ARMC8: variants seen among roughly 807,000 people sequenced by gnomAD.
ARMC8 encodes the protein armadillo repeat containing 8, also known as armadillo repeat-containing protein 8.
ARMC8 carries 20 observed loss-of-function variants against 99.3 expected under a neutral mutation model. The observed-to-expected ratio is 0.20, with a 90% CI of 0.14 to 0.29. ARMC8 has a LOEUF of 0.29. Ranked by LOEUF, ARMC8 falls within the 10% of genes least tolerant of loss-of-function variation. ARMC8 has a pLI of 1.00. For missense variants in ARMC8, 569 were observed against 809.5 expected (o/e 0.70, Z 3.60); for synonymous variants, 263 against 278.3 (o/e 0.95, Z 0.55).
In ARMC8 at chr3:138,263,510, C is replaced by T. The variant is rs1576835202; in HGVS notation, c.1135-229C>T. The T allele has an allele frequency of 7.2e-6, 4 of 555,158 alleles. No individual in the cohort carries two copies. In the East Asian group the frequency reaches 1.2e-4, roughly 17 times the overall value. The allele number at this position is 555,158 out of a possible 1,614,324, so 34.4% of individuals were successfully genotyped here. On this transcript the variant is annotated intron_variant, in intron 12 of 21. Coordinates refer to ENST00000469044, the MANE Select transcript of ARMC8 (RefSeq NM_001363941.2). ...GTTAAATGTCTTTAAAAATAAACAA[C>T]ATAACCTGCCCCTTACGCCTGTCAT... is the stretch of plus-strand genomic sequence containing the variant.
intron 19 of ARMC8, among the ~76,000 whole-genome samples, chr3:138,285,025 A>G (rs934918961): frequency 6.6e-6 from 1 of 152,176 alleles, no homozygotes; most frequent in African/African-American, 2.4e-5. Flanking sequence ...CATTCTGTCA[A>G]CATCTCCTGA....
At chr3:138,249,311 T>C (rs1408481710) in intron 12 of ARMC8, among the ~76,000 whole-genome samples, 12 of 151,940 alleles carry the variant, frequency 7.9e-5, no homozygotes, top group African/African-American at 2.4e-5. Flanking sequence ...TTCACTGTTA[T>C]ACTTAGCATA....
At chr3:138,193,014 G>T (rs1440287203) in intron 1 of ARMC8, among the ~76,000 whole-genome samples, 1 of 152,080 alleles carries the variant, frequency 6.6e-6, no homozygotes, top group Non-Finnish European at 1.5e-5. Context: ...TGTTGGCAAG[G>T]CTGGAGTGCA....
chr3:138,262,423 A>T, intron 12 of ARMC8: 1 of 1,203,738 alleles, frequency 8.3e-7, no homozygotes, highest in Non-Finnish European at 1.2e-6. Flanking sequence ...AATAGATGAT[A>T]TTTTCCCTGA....
At chr3:138,245,804 T>C (rs1411995226) in intron 12 of ARMC8, 1 of 985,990 alleles carries the variant, frequency 1.0e-6, no homozygotes, top group Non-Finnish European at 1.2e-6. Flanking sequence ...TTGATGAGAA[T>C]ACTTCTAGAT....
Position 138,271,798 on chromosome 3 carries a change from C to CTTTCTTTTTTTTTTTTTTTTTTTTT in ARMC8, c.1480-1166_1480-1165insCTTTTTTTTTTTTTTTTTTTTTTTT, listed in dbSNP as rs1018824241. Among the ~76,000 whole-genome samples the CTTTCTTTTTTTTTTTTTTTTTTTTT allele has an allele frequency of 1.5e-4, 20 of 136,126 alleles. 1 individual carries two copies. Among genetic ancestry groups the CTTTCTTTTTTTTTTTTTTTTTTTTT allele is most frequent in the African/African-American group, 5.4e-4 (19 of 35,234 alleles). The allele number at this position is 136,126 out of a possible 152,430, so 89.3% of individuals were successfully genotyped here. ...AGTTCACAAGATTTTTTTTTTCTTT[C>CTTTCTTTTTTTTTTTTTTTTTTTTT]TTTTTTTTTTTTTTTGATACAGAGT... On this transcript the variant is annotated intron_variant, in intron 16 of 21. Transcript: ENST00000469044.
chr3:138,295,745 T>C, intron 21 of ARMC8, 114 bp from the exon 22 acceptor site: 1 of 1,213,412 alleles, frequency 8.2e-7, no homozygotes, highest in Non-Finnish European at 1.2e-6. Flanking sequence ...TCACCCCAAT[T>C]CCCTCTGGAG....
intron 13 of ARMC8, 38 bp from the exon 14 acceptor site, chr3:138,264,093 T>C (rs2048019504): frequency 3.2e-6 from 5 of 1,575,518 alleles, no homozygotes; most frequent in Non-Finnish European, 4.4e-6. Context: ...GTAAAAGTTT[T>C]GATTTCTTGT....
rs1464106879 is a variant in ARMC8, at chr3:138,220,753, G to A, written c.123-1173G>A. 4.0e-5 allele frequency among the ~76,000 whole-genome samples: 6 copies of A among 149,686 alleles called. No individual in the cohort carries two copies. The South Asian group carries it at 6.3e-4, about 16-fold the overall frequency. ...CACCCTGACTGGGGTGCAGTGGCGC[G>A]ATCTCTGCTCACTGCAACCTCCACC... On this transcript the variant is annotated intron_variant, in intron 2 of 21. Coordinates refer to ENST00000469044, the MANE Select transcript of ARMC8 (RefSeq NM_001363941.2).
At chr3:138,187,651 G>A in intron 1 of ARMC8, 52 bp downstream of exon 1, 1 of 1,525,706 alleles carries the variant, frequency 6.6e-7, no homozygotes, top group Admixed American at 2.0e-5. Flanking sequence ...CCTCATCCCG[G>A]TCTCCACCAT....
intron 1 of ARMC8, among the ~76,000 whole-genome samples, chr3:138,200,281 G>A (rs921040950): frequency 2.0e-5 from 3 of 150,748 alleles, no homozygotes; most frequent in Non-Finnish European, 4.4e-5. Flanking sequence ...TAGTTTTGTT[G>A]TGAATGTGAC....
At chr3:138,245,005 CTT>C in intron 11 of ARMC8, 81 bp from the exon 12 acceptor site, 2 of 1,488,026 alleles carry the variant, frequency 1.3e-6, no homozygotes, top group Non-Finnish European at 9.1e-7. Context: ...AAGTTGTAAA[CTT>C]TTTTTTTCTT....
At chr3:138,229,174 A>ATG (rs2045891083) in intron 6 of ARMC8, 164 bp downstream of exon 6, 13 of 38,444 alleles carry the variant, frequency 3.4e-4, no homozygotes, top group East Asian at 3.0e-3. Context: ...ATATATATAT[A>ATG]TATATATATG....
chr3:138,235,151 T>TTG, intron 7 of ARMC8, 37 bp downstream of exon 7: 1 of 1,387,694 alleles, frequency 7.2e-7, no homozygotes, highest in Non-Finnish European at 1.0e-6. Context: ...TTTGTATACC[T>TTG]TGTTTGTGAT....
chr3:138,292,959 C>T (rs1041033409), intron 21 of ARMC8, among the ~76,000 whole-genome samples: 1 of 152,152 alleles, frequency 6.6e-6, no homozygotes, highest in African/African-American at 2.4e-5. Context: ...GATGCCTGGA[C>T]GGTGGCCGTT....
At chr3:138,289,173 C>G (rs992113203) in intron 20 of ARMC8, 53 bp downstream of exon 20, 1 of 1,418,098 alleles carries the variant, frequency 7.1e-7, no homozygotes, top group Non-Finnish European at 9.9e-7. Context: ...GAGTGTCTTG[C>G]ACAGGGAAGC....
At chr3:138,205,553 CT>C (rs2044326367) in intron 1 of ARMC8, among the ~76,000 whole-genome samples, 1 of 152,154 alleles carries the variant, frequency 6.6e-6, no homozygotes, top group South Asian at 2.1e-4. Flanking sequence ...TGGAAATAAC[CT>C]CCTTCCTAGT....
chr3:138,262,259 A>G (rs974470503), intron 12 of ARMC8: 11 of 316,916 alleles, frequency 3.5e-5, no homozygotes, highest in Admixed American at 1.4e-4. Context: ...AGAGGTGACA[A>G]TGAGGACAGA....
intron 12 of ARMC8, among the ~76,000 whole-genome samples, chr3:138,248,959 T>C (rs1413708965): frequency 6.6e-6 from 1 of 152,230 alleles, no homozygotes; most frequent in Non-Finnish European, 1.5e-5. Flanking sequence ...TCAATTTGAA[T>C]ACGTATATTT....
Sources: gnomAD v4.1 joint callset for allele counts (sites outside exome capture counted in the v4.1 genomes callset) on GRCh38, gnomAD v4.1.1 for gene constraint, MANE v1.5 for transcripts, NCBI Gene and HGNC (gene_info 2026-07-23, HGNC 2026-07-21) for gene names.